The following VPS35L variants were observed in gnomAD, a reference collection of about 807,000 sequenced individuals.
VPS35L encodes the protein VPS35 endosomal protein-sorting factor-like.
Under a neutral mutation model 133.0 loss-of-function variants are expected in VPS35L, and 83 were observed. The observed-to-expected ratio is 0.62, with a 90% CI of 0.52 to 0.75. The LOEUF (loss-of-function observed/expected upper bound fraction) is 0.75. VPS35L is among the 30% of genes least tolerant of loss of function. VPS35L has a pLI of 0.00. For synonymous variants in VPS35L, 423 were observed against 449.9 expected (o/e 0.94, Z 0.76); for missense variants, 1,083 against 1,206.8 (o/e 0.90, Z 1.52).
intron 1 of VPS35L, among the ~76,000 whole-genome samples, chr16:19,560,699 G>A (rs181696480): frequency 6.6e-6 from 1 of 152,164 alleles, no homozygotes; most frequent in African/African-American, 2.4e-5. Flanking sequence ...GGGAGGCTGA[G>A]GCAGGAGAAT....
chr16:19,580,052 T>C (rs1363366445), intron 6 of VPS35L, among the ~76,000 whole-genome samples: 1 of 150,502 alleles, frequency 6.6e-6, no homozygotes, highest in African/African-American at 2.4e-5. Flanking sequence ...ATACAAAAAT[T>C]AGCTGGGCAT....
chr16:19,604,236 C>T (rs1029439221), intron 9 of VPS35L, among the ~76,000 whole-genome samples: 3 of 151,768 alleles, frequency 2.0e-5, no homozygotes, highest in African/African-American at 7.3e-5. Context: ...TCATATTTAC[C>T]TGCCTGGCCC....
intron 28 of VPS35L, among the ~76,000 whole-genome samples, chr16:19,689,840 G>T (rs1328738407): frequency 6.6e-6 from 1 of 152,164 alleles, no homozygotes; most frequent in Non-Finnish European, 1.5e-5. Context: ...CACCCACTGA[G>T]GGTCTTGGAA....
rs1976049719 is a variant in VPS35L at position 19,699,765 on chromosome 16, G to A, written c.2793+117G>A. The A allele has an allele frequency of 1.5e-6, 2 of 1,368,066 alleles. No homozygotes were observed. Among genetic ancestry groups the A allele is most frequent in the East Asian group, 4.7e-5 (2 of 42,246 alleles). 84.7% of individuals were successfully genotyped at this position (1,368,066 alleles called of 1,614,324 possible). A position where few individuals can be genotyped will look rare whatever the true frequency, so the allele number is the denominator to read the frequency against. ...AACCCCATACTCCCCTTTTAGAAAA[G>A]CACTTGGTCCATTTCTACTGGATCA... On this transcript the variant is annotated intron_variant, in intron 30 of 30. Coordinates refer to ENST00000417362, the MANE Select transcript of VPS35L (RefSeq NM_020314.7). This position sits in a 1 kb window ranked among gnomAD's most constrained non-coding sequence, Gnocchi z 4.2.
At chr16:19,577,269 G>A (rs1438333710) in intron 5 of VPS35L, among the ~76,000 whole-genome samples, 2 of 152,196 alleles carry the variant, frequency 1.3e-5, no homozygotes, top group Non-Finnish European at 2.9e-5. Flanking sequence ...ATGAGAGCAG[G>A]TGTGTGCAGA....
At chr16:19,657,353 A>G (rs555301467) in intron 26 of VPS35L, among the ~76,000 whole-genome samples, 2 of 151,488 alleles carry the variant, frequency 1.3e-5, no homozygotes, top group African/African-American at 4.9e-5. Context: ...ACTTTCTTTT[A>G]TTTTTTGCAT....
chr16:19,693,430 T>C (rs558483661), intron 29 of VPS35L, among the ~76,000 whole-genome samples: 35 of 151,942 alleles, frequency 2.3e-4, no homozygotes, highest in Non-Finnish European at 3.4e-4. Context: ...TAGTTGAGCC[T>C]AGGAGTTTGA....
chr16:19,581,356 TC>T (rs1441529747), intron 6 of VPS35L, among the ~76,000 whole-genome samples, 168 bp from the exon 7 acceptor site: 1 of 152,096 alleles, frequency 6.6e-6, no homozygotes, highest in Non-Finnish European at 1.5e-5. Context: ...GTCAGAAAAC[TC>T]AAAAGAACCT....
intron 27 of VPS35L, among the ~76,000 whole-genome samples, chr16:19,669,886 G>T (rs1340490898): frequency 6.6e-6 from 1 of 152,040 alleles, no homozygotes; most frequent in African/African-American, 2.4e-5. Context: ...GTTCAGGCTG[G>T]TCTTGAACTC....
chr16:19,567,288 C>A (rs1971218550), intron 2 of VPS35L, among the ~76,000 whole-genome samples: 1 of 152,178 alleles, frequency 6.6e-6, no homozygotes, highest in Admixed American at 6.5e-5. Context: ...GCAACATCAG[C>A]AGCAGGAAAA....
At chr16:19,687,677 C>T (rs1249333236) in intron 28 of VPS35L, among the ~76,000 whole-genome samples, 1 of 152,034 alleles carries the variant, frequency 6.6e-6, no homozygotes, top group Non-Finnish European at 1.5e-5. Flanking sequence ...TCTCCTTATT[C>T]TTAGGCAATA....
intron 5 of VPS35L, among the ~76,000 whole-genome samples, chr16:19,575,864 A>ATTCCG (rs757147981): frequency 2.8e-3 from 413 of 146,178 alleles, no homozygotes; most frequent in Non-Finnish European, 4.9e-3. Flanking sequence ...TTAAAAAAAT[A>ATTCCG]TATATATATG....
At chr16:19,585,839 G>C (rs776639716) in intron 7 of VPS35L, among the ~76,000 whole-genome samples, 3 of 152,146 alleles carry the variant, frequency 2.0e-5, no homozygotes, top group Non-Finnish European at 2.9e-5. Context: ...TATATCTATA[G>C]TGAAATGTCT....
chr16:19,580,460 T>C (rs1971674175), intron 6 of VPS35L, among the ~76,000 whole-genome samples: 1 of 152,108 alleles, frequency 6.6e-6, no homozygotes, highest in African/African-American at 2.4e-5. Flanking sequence ...TTGTAGGAAA[T>C]ATACATATAA....
chr16:19,572,643 A>T (rs954967846), intron 3 of VPS35L, among the ~76,000 whole-genome samples: 1 of 152,052 alleles, frequency 6.6e-6, no homozygotes, highest in Non-Finnish European at 1.5e-5. Flanking sequence ...AATGAGTTTG[A>T]GCATTTTTTG....
At chr16:19,592,306 C>T (rs1158323595) in intron 8 of VPS35L, among the ~76,000 whole-genome samples, 1 of 151,674 alleles carries the variant, frequency 6.6e-6, no homozygotes, top group Admixed American at 6.6e-5. Context: ...TCTCAAACTC[C>T]TAGCCTCAAG....
chr16:19,627,406 C>T (rs767122809), intron 15 of VPS35L, among the ~76,000 whole-genome samples: 18 of 152,076 alleles, frequency 1.2e-4, no homozygotes, highest in Non-Finnish European at 2.5e-4. Context: ...AATGCTCGCT[C>T]TTCTTCTCCT....
intron 19 of VPS35L, among the ~76,000 whole-genome samples, chr16:19,637,050 C>T (rs1260362180): frequency 2.0e-5 from 3 of 152,234 alleles, no homozygotes; most frequent in African/African-American, 4.8e-5. Flanking sequence ...TGTAGCCTGC[C>T]ACTTGTTTTT....
At chr16:19,647,918 A>G in intron 24 of VPS35L, 36 bp downstream of exon 24, 2 of 1,495,312 alleles carry the variant, frequency 1.3e-6, no homozygotes, top group Non-Finnish European at 1.9e-6. Flanking sequence ...TTCTCTCAGT[A>G]AATATTTATT....
Sources: gnomAD v4.1 joint callset for allele counts (sites outside exome capture counted in the v4.1 genomes callset) on GRCh38, gnomAD v4.1.1 for gene constraint, Gnocchi (gnomAD v3.1) non-coding constraint, MANE v1.5 for transcripts, NCBI Gene and HGNC (gene_info 2026-07-23, HGNC 2026-07-21) for gene names.